SCFD2: variants seen among roughly 807,000 people sequenced by gnomAD.
SCFD2 encodes the protein sec1 family domain-containing protein 2.
In SCFD2, 54 loss-of-function variants were observed where a neutral mutation model predicts 58.9. That is an observed-to-expected ratio of 0.92 (90% CI 0.74 to 1.15). The LOEUF (loss-of-function observed/expected upper bound fraction) is 1.15, where lower values mean the gene tolerates loss of function less well. Among genes scored for constraint, SCFD2 ranks in the 50% most tolerant of loss-of-function variants. The probability of loss-of-function intolerance (pLI) is 0.00; values close to 1 mark genes in which losing one functional copy is unlikely to be tolerated. For synonymous variants in SCFD2, 321 were observed against 335.9 expected (o/e 0.96, Z 0.49); for missense variants, 805 against 836.6 (o/e 0.96, Z 0.47).
chr4:53,198,094 T>C (rs1728115656), intron 4 of SCFD2, among the ~76,000 whole-genome samples: 1 of 152,092 alleles, frequency 6.6e-6, no homozygotes, highest in East Asian at 1.9e-4. Context: ...CATATAGATA[T>C]ATAATGGCAA....
At position 53,331,192 on chromosome 4, in the gene SCFD2, C is replaced by A. The variant is rs562507068; in HGVS notation, c.1008-17429G>T. On this transcript the variant is annotated intron_variant, in intron 2 of 8. Transcript: ENST00000401642. ...GTCAACATTAGACAGATCAACGAGA[C>A]AGAAAGTCAACAAGGATACCCAGGA... 4.1e-4 allele frequency among the ~76,000 whole-genome samples: 62 copies of A among 151,724 alleles called. No individual in the cohort carries two copies. In the East Asian group the frequency reaches 0.012, roughly 29 times the overall value.
At chr4:53,126,909 T>C (rs1725646070) in intron 5 of SCFD2, among the ~76,000 whole-genome samples, 1 of 152,018 alleles carries the variant, frequency 6.6e-6, no homozygotes, top group Non-Finnish European at 1.5e-5. Flanking sequence ...GATTAAAAGA[T>C]GGGTTTAAAT....
At chr4:53,238,541 G>A (rs1427492218) in intron 4 of SCFD2, among the ~76,000 whole-genome samples, 6 of 151,118 alleles carry the variant, frequency 4.0e-5, no homozygotes, top group African/African-American at 9.7e-5. Flanking sequence ...GCTGCCGGGC[G>A]GAGACGCTCC....
chr4:53,212,574 A>AAGTGTGTG (rs1560387939), intron 4 of SCFD2, among the ~76,000 whole-genome samples: 8 of 75,786 alleles, frequency 1.1e-4, no homozygotes, highest in African/African-American at 4.5e-4. Flanking sequence ...GAAAGTGAGC[A>AAGTGTGTG]CGTGTGTGTG....
chr4:53,266,173 G>T (rs1730979154), intron 4 of SCFD2, among the ~76,000 whole-genome samples: 1 of 152,078 alleles, frequency 6.6e-6, no homozygotes, highest in Admixed American at 6.6e-5. Context: ...AATATAAAAA[G>T]ATAGTAACAT....
chr4:53,091,578 ATAAGT>A (rs1392905167), intron 5 of SCFD2, among the ~76,000 whole-genome samples: 1 of 152,176 alleles, frequency 6.6e-6, no homozygotes, highest in East Asian at 1.9e-4. Flanking sequence ...TTATTGCTAA[ATAAGT>A]TAATTATGAC....
chr4:53,168,573 C>T (rs577218105), intron 4 of SCFD2, among the ~76,000 whole-genome samples: 2 of 152,042 alleles, frequency 1.3e-5, no homozygotes, highest in South Asian at 2.1e-4. Context: ...ATAATTAAGT[C>T]GGAAATAGGA....
At chr4:53,313,848 T>C in intron 2 of SCFD2, 85 bp from the exon 3 acceptor site, 2 of 1,338,846 alleles carry the variant, frequency 1.5e-6, no homozygotes, top group Non-Finnish European at 2.1e-6. Flanking sequence ...TTTTAAAATA[T>C]ATTTTTGAGC....
intron 5 of SCFD2, among the ~76,000 whole-genome samples, chr4:53,023,457 C>G (rs566890957): frequency 1.1e-4 from 16 of 151,998 alleles, no homozygotes; most frequent in Admixed American, 1.3e-4. Context: ...GAGGCTTAGC[C>G]CCTACTCACA....
At chr4:52,984,748 G>A (rs900631501) in intron 5 of SCFD2, among the ~76,000 whole-genome samples, 13 of 152,178 alleles carry the variant, frequency 8.5e-5, no homozygotes, top group African/African-American at 2.9e-4. Context: ...GGCACATAAA[G>A]CCATGTGCAA....
At chr4:53,331,082 C>T (rs1369642395) in intron 2 of SCFD2, among the ~76,000 whole-genome samples, 3 of 151,838 alleles carry the variant, frequency 2.0e-5, no homozygotes, top group East Asian at 1.9e-4. Context: ...ACAGGAGCAC[C>T]GAGATTCATA....
At chr4:53,339,352 ATG>A (rs1733788261) in intron 2 of SCFD2, among the ~76,000 whole-genome samples, 1 of 150,428 alleles carries the variant, frequency 6.6e-6, no homozygotes, top group Admixed American at 6.7e-5. Context: ...TTATATGTAA[ATG>A]TATATTACAT....
At chr4:53,152,809 T>C (rs1560359725) in intron 4 of SCFD2, among the ~76,000 whole-genome samples, 1 of 152,128 alleles carries the variant, frequency 6.6e-6, no homozygotes, top group South Asian at 2.1e-4. Flanking sequence ...GGGTAGATGT[T>C]CCCATTCCAA....
chr4:53,055,576 C>A (rs1380345667), intron 5 of SCFD2, among the ~76,000 whole-genome samples: 2 of 151,982 alleles, frequency 1.3e-5, no homozygotes, highest in African/African-American at 4.8e-5. Flanking sequence ...TAAAAAAGAA[C>A]CACCCTGGAG....
intron 5 of SCFD2, among the ~76,000 whole-genome samples, chr4:52,973,245 A>G (rs941790399): frequency 2.6e-5 from 4 of 152,164 alleles, no homozygotes; most frequent in African/African-American, 9.7e-5. Context: ...TTTTTTGAAA[A>G]GATCAACAAA....
intron 7 of SCFD2, among the ~76,000 whole-genome samples, chr4:52,906,004 G>T (rs1251065975): frequency 2.0e-5 from 3 of 152,156 alleles, no homozygotes; most frequent in South Asian, 2.1e-4. Flanking sequence ...AATCAAATTT[G>T]TTATTTAAGC....
intron 3 of SCFD2, among the ~76,000 whole-genome samples, chr4:53,300,644 A>T (rs1203611839): frequency 3.9e-5 from 6 of 152,232 alleles, no homozygotes; most frequent in Non-Finnish European, 7.3e-5. Flanking sequence ...AACAGAATAT[A>T]CATTCTTTTC....
chr4:53,092,158 A>G (rs1242755986), intron 5 of SCFD2, among the ~76,000 whole-genome samples: 7 of 152,326 alleles, frequency 4.6e-5, no homozygotes, highest in Admixed American at 2.6e-4. Flanking sequence ...TACAGAATAC[A>G]ATAGGCCAAG....
chr4:53,152,394 A>T (rs1726537857), intron 4 of SCFD2, among the ~76,000 whole-genome samples: 1 of 152,200 alleles, frequency 6.6e-6, no homozygotes, highest in Admixed American at 6.5e-5. Flanking sequence ...TTCCAATATC[A>T]AATGTAGGCA....
Sources: gnomAD v4.1 joint callset for allele counts (sites outside exome capture counted in the v4.1 genomes callset) on GRCh38, gnomAD v4.1.1 for gene constraint, MANE v1.5 for transcripts, NCBI Gene and HGNC (gene_info 2026-07-23, HGNC 2026-07-21) for gene names.